Variants in FANCB observed in about 807,000 individuals in gnomAD.
The protein encoded by FANCB is FA complementation group B.
In FANCB, 5 loss-of-function variants were observed where a neutral mutation model predicts 38.9. The observed-to-expected ratio is 0.13, with a 90% CI of 0.07 to 0.27. The LOEUF (loss-of-function observed/expected upper bound fraction) is 0.27, where lower values mean the gene tolerates loss of function less well. Among genes scored for constraint, FANCB ranks in the 10% least tolerant of loss-of-function variants. The pLI is 1.00. For missense variants in FANCB, 573 were observed against 602.7 expected, an observed-to-expected ratio of 0.95 and a Z score of 0.52; for synonymous variants, 236 against 215.4, an observed-to-expected ratio of 1.10 and a Z score of -0.84.
chrX:14,843,307 C>A, downstream of FANCB: 1 of 315,339 alleles, frequency 3.2e-6, no homozygotes, highest in Non-Finnish European at 5.5e-6. Flanking sequence ...TGCCTCACCC[C>A]TTCCTGACCC....
the FANCB span, among the ~76,000 whole-genome samples, chrX:14,705,134 C>A: frequency 3.6e-5 from 4 of 112,245 alleles, no homozygotes; most frequent in African/African-American, 1.3e-4. Flanking sequence ...GTAATGAAAA[C>A]TACATTCTTT....
At chrX:14,724,617 A>C in the FANCB span, among the ~76,000 whole-genome samples, 2 of 79,579 alleles carry the variant, frequency 2.5e-5, no homozygotes, top group African/African-American at 4.7e-5. Flanking sequence ...CAAAAGCAAA[A>C]CTCTGTCTCA....
chrX:14,854,834 G>A lies in FANCB; in HGVS notation c.1198-1667C>T, dbSNP rs147714944. On this transcript the variant is annotated intron_variant, in intron 5 of 9. Transcript: ENST00000650831. ...AATCATAATTGCCCTTTCTCCCCTG[G>A]AGTCAATACTACCCTGGCCTTTTAA... Among the ~76,000 whole-genome samples, 479 of 111,747 alleles carry A rather than the reference G, an allele frequency of 4.3e-3. 5 individuals carry two copies. The highest frequency in any genetic ancestry group is 0.014 in the African/African-American group (439 of 30,736).
At chrX:14,822,423 G>GGTGTTAACTTTATA in the FANCB span, among the ~76,000 whole-genome samples, 1 of 109,300 alleles carries the variant, frequency 9.1e-6, no homozygotes, top group African/African-American at 3.3e-5. Flanking sequence ...TTAATCAACT[G>GGTGTTAACTTTATA]CCCTCACAAC....
the FANCB span, among the ~76,000 whole-genome samples, chrX:14,816,103 C>G: frequency 1.8e-5 from 2 of 111,863 alleles, no homozygotes; most frequent in African/African-American, 3.2e-5. Flanking sequence ...AGAGCCCAGA[C>G]TTCACCAGTA....
the FANCB span, among the ~76,000 whole-genome samples, chrX:14,768,319 G>T: frequency 1.8e-5 from 2 of 111,656 alleles, no homozygotes; most frequent in African/African-American, 6.5e-5. Flanking sequence ...ATTTGTTTGT[G>T]TCCTCTCTGA....
At chrX:14,769,377 T>C in the FANCB span, among the ~76,000 whole-genome samples, 2 of 111,998 alleles carry the variant, frequency 1.8e-5, no homozygotes, top group African/African-American at 6.5e-5. Context: ...AATTTCTTTC[T>C]GGTTCAGTCT....
In FANCB at chrX:14,850,597, A is replaced by G; in HGVS notation, c.1404T>C (p.Phe468=). 1 of 1,191,889 alleles carries G rather than the reference A, an allele frequency of 8.4e-7. No individual in the cohort carries two copies. Among genetic ancestry groups the G allele is most frequent in the African/African-American group, 1.7e-5 (1 of 57,408 alleles). Residue 468 remains phenylalanine (F), a synonymous_variant, in exon 7 of 10, where the codon TTT becomes TTC. Transcript: ENST00000650831. ...HILDEKLSDN[F]QDSEQLVEKI... is the part of the protein sequence containing the mutation. ...TCTCTACTAGCTGTTCTGAATCTTG[A>G]AAATTGTCTGATAACTTTTCATCTA...
chrX:14,803,342 A>G, the FANCB span, among the ~76,000 whole-genome samples: 1 of 112,165 alleles, frequency 8.9e-6, no homozygotes, highest in African/African-American at 3.3e-5. Flanking sequence ...ATTACTAGGG[A>G]CAAGGTGTAT....
At chrX:14,806,226 C>T in the FANCB span, among the ~76,000 whole-genome samples, 1 of 111,254 alleles carries the variant, frequency 9.0e-6, no homozygotes, top group Non-Finnish European at 1.9e-5. Flanking sequence ...GAAAGAGAGC[C>T]CAGTACTATG....
At chrX:14,755,409 A>C in the FANCB span, among the ~76,000 whole-genome samples, 1 of 111,889 alleles carries the variant, frequency 8.9e-6, no homozygotes, top group African/African-American at 3.2e-5. Context: ...AAAACTCCAC[A>C]CACATAAAAA....
chrX:14,817,947 C>T, the FANCB span, among the ~76,000 whole-genome samples: 1 of 111,919 alleles, frequency 8.9e-6, no homozygotes, highest in Non-Finnish European at 1.9e-5. Flanking sequence ...GCTTTTTCCA[C>T]TGCTGCACAT....
the FANCB span, among the ~76,000 whole-genome samples, chrX:14,825,374 T>C: frequency 8.9e-6 from 1 of 112,009 alleles, no homozygotes; most frequent in Non-Finnish European, 1.9e-5. Context: ...TGCTAGTCTT[T>C]TTCCCACTTT....
chrX:14,756,931 A>G, the FANCB span, among the ~76,000 whole-genome samples: 1 of 111,893 alleles, frequency 8.9e-6, no homozygotes. Context: ...ACATTTCTCC[A>G]AAGATAACAC....
chrX:14,692,202 A>T, the FANCB span, among the ~76,000 whole-genome samples: 1 of 112,084 alleles, frequency 8.9e-6, no homozygotes, highest in Non-Finnish European at 1.9e-5. Context: ...CCTGCCATAG[A>T]TAAGGAAAAC....
the FANCB span, among the ~76,000 whole-genome samples, chrX:14,721,577 AT>A: frequency 9.0e-6 from 1 of 111,595 alleles, no homozygotes; most frequent in African/African-American, 3.3e-5. Context: ...TATAAGACCT[AT>A]TGCCTGTCTG....
the FANCB span, among the ~76,000 whole-genome samples, chrX:14,774,795 T>C: frequency 9.0e-6 from 1 of 111,361 alleles, no homozygotes; most frequent in South Asian, 3.7e-4. Flanking sequence ...ACATTTCTTT[T>C]TGAGGCTCCC....
At chrX:14,703,685 T>C in the FANCB span, among the ~76,000 whole-genome samples, 1 of 111,576 alleles carries the variant, frequency 9.0e-6, no homozygotes, top group South Asian at 3.7e-4. Flanking sequence ...CCATGCACAC[T>C]CAGGACAGTC....
the FANCB span, among the ~76,000 whole-genome samples, chrX:14,746,965 G>C: frequency 9.0e-6 from 1 of 111,645 alleles, no homozygotes; most frequent in Non-Finnish European, 1.9e-5. Context: ...TTTGTGATGA[G>C]GGTCATTTCT....
Sources: allele counts gnomAD v4.1 joint callset (sites outside exome capture counted in the v4.1 genomes callset), GRCh38; gene constraint gnomAD v4.1.1; transcripts MANE v1.5; gene names NCBI Gene and HGNC (gene_info 2026-07-23, HGNC 2026-07-21).